STK32B: variants seen among roughly 807,000 people sequenced by gnomAD.
STK32B encodes the protein serine/threonine-protein kinase 32B.
Under a neutral mutation model 52.6 loss-of-function variants are expected in STK32B, and 43 were observed. The observed-to-expected ratio is 0.82, with a 90% CI of 0.64 to 1.05. The LOEUF is 1.05. Among genes scored for constraint, STK32B ranks in the 50% least tolerant of loss-of-function variants. The pLI is 0.00. For missense variants in STK32B, 621 were observed against 534.6 expected (o/e 1.16, Z -1.59); for synonymous variants, 238 against 204.3 (o/e 1.17, Z -1.41).
intron 1 of STK32B, among the ~76,000 whole-genome samples, chr4:5,127,794 T>C (rs1007472574): frequency 2.6e-5 from 4 of 152,160 alleles, no homozygotes; most frequent in African/African-American, 9.7e-5. Flanking sequence ...ATAGCTCCCA[T>C]ACTTCCCACG....
At chr4:5,493,170 G>GTACC (rs1398005531) in intron 11 of STK32B, among the ~76,000 whole-genome samples, 1 of 151,884 alleles carries the variant, frequency 6.6e-6, no homozygotes, top group African/African-American at 2.4e-5. Flanking sequence ...GTTCCTCCTT[G>GTACC]TACCTCTGAT....
chr4:5,196,025 G>C (rs1182121126), intron 3 of STK32B, among the ~76,000 whole-genome samples: 1 of 152,214 alleles, frequency 6.6e-6, no homozygotes, highest in Non-Finnish European at 1.5e-5. Context: ...TATGGCCTGA[G>C]ACCGGGCCTT....
At chr4:5,054,616 G>T (rs1210549490) in intron 1 of STK32B, among the ~76,000 whole-genome samples, 1 of 152,170 alleles carries the variant, frequency 6.6e-6, no homozygotes, top group Non-Finnish European at 1.5e-5. Flanking sequence ...GGGCCCAGTG[G>T]CCGTGGTCAG....
intron 2 of STK32B, among the ~76,000 whole-genome samples, chr4:5,149,288 T>G (rs562307465): frequency 6.6e-6 from 1 of 152,032 alleles, no homozygotes; most frequent in South Asian, 2.1e-4. Flanking sequence ...AAAAAATCCA[T>G]TCTGACAATT....
intron 1 of STK32B, among the ~76,000 whole-genome samples, chr4:5,133,274 TA>T (rs1489909590): frequency 6.6e-5 from 10 of 152,234 alleles, no homozygotes; most frequent in African/African-American, 2.4e-4. Flanking sequence ...ACCCACTCAG[TA>T]AAAATGTATT....
At chr4:5,376,301 C>T (rs1560364650) in intron 4 of STK32B, among the ~76,000 whole-genome samples, 2 of 152,216 alleles carry the variant, frequency 1.3e-5, no homozygotes, top group Non-Finnish European at 2.9e-5. Context: ...CTGGGGGACT[C>T]ATTCATCGCC....
intron 1 of STK32B, among the ~76,000 whole-genome samples, chr4:5,053,311 A>G (rs777011200): frequency 1.3e-5 from 2 of 152,188 alleles, no homozygotes; most frequent in Admixed American, 1.3e-4. Context: ...AGTCTGGAGC[A>G]TGTGCAGGTG....
chr4:5,147,764 C>T (rs1258186816), intron 2 of STK32B, among the ~76,000 whole-genome samples: 2 of 151,820 alleles, frequency 1.3e-5, no homozygotes, highest in African/African-American at 2.4e-5. Flanking sequence ...GAGATAAATC[C>T]CACTTGAATA....
Position 5,363,375 on chromosome 4 carries a change from C to G in STK32B, c.434+31982C>G, listed in dbSNP as rs151259622. On this transcript the variant is annotated intron_variant, in intron 4 of 11. Coordinates refer to ENST00000282908, the MANE Select transcript of STK32B (RefSeq NM_018401.3). Reference sequence around the variant, plus strand: ...ATAAAGATTCAGAAGCTATGACTTGCCAAGGCCACAGGGTGATCCAGGGTT... The same window carrying G: ...ATAAAGATTCAGAAGCTATGACTTGGCAAGGCCACAGGGTGATCCAGGGTT... 7.0e-3 allele frequency among the ~76,000 whole-genome samples: 1,070 copies of G among 152,230 alleles called. 8 individuals carry two copies. Among genetic ancestry groups the G allele is most frequent in the African/African-American group, 0.025 (1,020 of 41,524 alleles).
intron 3 of STK32B, among the ~76,000 whole-genome samples, chr4:5,207,654 C>G (rs988382198): frequency 2.0e-5 from 3 of 151,732 alleles, no homozygotes; most frequent in Non-Finnish European, 4.4e-5. Flanking sequence ...ATATTATTTT[C>G]TCAAAAATGC....
intron 4 of STK32B, among the ~76,000 whole-genome samples, chr4:5,357,304 G>A (rs1048236124): frequency 8.1e-6 from 1 of 123,124 alleles, no homozygotes; most frequent in Non-Finnish European, 1.6e-5. Context: ...ATAAATACAC[G>A]GTCCCTTTCT....
the STK32B span, among the ~76,000 whole-genome samples, chr4:5,030,967 T>C: frequency 1.3e-5 from 2 of 152,160 alleles, no homozygotes; most frequent in Non-Finnish European, 2.9e-5. Flanking sequence ...ATTAAATAAT[T>C]GATTTTAAAT....
intron 4 of STK32B, among the ~76,000 whole-genome samples, chr4:5,334,553 C>A (rs1732501038): frequency 6.6e-6 from 1 of 152,114 alleles, no homozygotes; most frequent in African/African-American, 2.4e-5. Flanking sequence ...GTGTCTTGTG[C>A]CAGTTTTCAA....
chr4:5,270,016 A>C (rs930270405), intron 3 of STK32B, among the ~76,000 whole-genome samples: 1 of 152,204 alleles, frequency 6.6e-6, no homozygotes, highest in African/African-American at 2.4e-5. Flanking sequence ...TCATGTGATC[A>C]TCTCTATAGA....
At chr4:5,158,940 A>G (rs1426443561) in intron 2 of STK32B, among the ~76,000 whole-genome samples, 1 of 152,178 alleles carries the variant, frequency 6.6e-6, no homozygotes, top group East Asian at 1.9e-4. Context: ...GGGGACATAC[A>G]GCTTAGCCCA....
intron 1 of STK32B, among the ~76,000 whole-genome samples, chr4:5,060,087 C>T (rs1308018737): frequency 2.0e-5 from 3 of 152,184 alleles, no homozygotes; most frequent in Non-Finnish European, 4.4e-5. Flanking sequence ...CTGCCTCGGC[C>T]TCCCGAGTAG....
At chr4:5,303,350 T>G (rs1489469762) in intron 3 of STK32B, among the ~76,000 whole-genome samples, 1 of 152,136 alleles carries the variant, frequency 6.6e-6, no homozygotes, top group Non-Finnish European at 1.5e-5. Context: ...ATCTATTATT[T>G]TTTGATTTTT....
At chr4:5,276,573 G>A (rs1727838508) in intron 3 of STK32B, among the ~76,000 whole-genome samples, 1 of 151,852 alleles carries the variant, frequency 6.6e-6, no homozygotes, top group Non-Finnish European at 1.5e-5. Context: ...TTGCTGAGAA[G>A]AAAACCAAAG....
chr4:5,444,276 A>G (rs533805060), intron 6 of STK32B, among the ~76,000 whole-genome samples: 5 of 152,194 alleles, frequency 3.3e-5, no homozygotes, highest in African/African-American at 7.2e-5. Context: ...AGGACCCTCC[A>G]AGTCAGGTGC....
Sources: allele counts gnomAD v4.1 joint callset (sites outside exome capture counted in the v4.1 genomes callset), GRCh38; gene constraint gnomAD v4.1.1; transcripts MANE v1.5; gene names NCBI Gene and HGNC (gene_info 2026-07-23, HGNC 2026-07-21).